FANCM: variants seen among roughly 807,000 people sequenced by gnomAD.
FANCM encodes Fanconi anemia group M protein.
A neutral mutation model predicts 199.5 loss-of-function variants in FANCM; 140 were observed. The observed-to-expected ratio is 0.70, with a 90% confidence interval of 0.61 to 0.81. FANCM has a LOEUF of 0.81. FANCM is among the 30% of genes least tolerant of loss of function. FANCM has a pLI of 0.00. For synonymous variants in FANCM, 840 were observed against 836.8 expected (o/e 1.00, Z -0.07); for missense variants, 2,410 against 2,421.4 (o/e 1.00, Z 0.10).
chr14:45,141,105 G>A (rs1030258688), intron 3 of FANCM, among the ~76,000 whole-genome samples: 1 of 151,882 alleles, frequency 6.6e-6, no homozygotes, highest in Non-Finnish European at 1.5e-5. Context: ...TGGTTAACAC[G>A]GTGAAACCCG....
intron 4 of FANCM, among the ~76,000 whole-genome samples, chr14:45,149,541 A>G (rs559327498): frequency 7.0e-4 from 106 of 152,052 alleles, no homozygotes; most frequent in African/African-American, 2.5e-3. Context: ...TAATTTTTAT[A>G]TTTTTGAATA....
chr14:45,163,967 C>T (rs942799773), intron 9 of FANCM, among the ~76,000 whole-genome samples: 6 of 152,176 alleles, frequency 3.9e-5, no homozygotes, highest in Non-Finnish European at 5.9e-5. Context: ...TTTGTTGAAA[C>T]GAGGCTTTAC....
At chr14:45,151,705 A>T (rs1355929584) in intron 5 of FANCM, among the ~76,000 whole-genome samples, 177 bp downstream of exon 5, 6 of 152,088 alleles carry the variant, frequency 3.9e-5, no homozygotes, top group Non-Finnish European at 8.8e-5. Flanking sequence ...TGGGAGGATC[A>T]CTTGAGCCCT....
At chr14:45,145,810 A>G (rs1361928406) in intron 3 of FANCM, among the ~76,000 whole-genome samples, 2 of 152,070 alleles carry the variant, frequency 1.3e-5, no homozygotes, top group Non-Finnish European at 1.5e-5. Flanking sequence ...CTGTAATCCC[A>G]GCACTTTGGG....
chr14:45,137,106 C>CCTT lies in FANCM; in HGVS notation c.546_547insCTT (p.Cys182_Ser183insLeu), dbSNP rs1354341041. 3.7e-6 allele frequency: 6 copies of CCTT among 1,612,956 alleles called. No individual in the cohort carries two copies. Among genetic ancestry groups the CCTT allele is most frequent in the Non-Finnish European group, 5.1e-6 (6 of 1,179,220 alleles). ...CTTCCACCAGGAAGGAAATATGGTG[C>CCTT]AGTAAGAGAGTGCTTTTTCTTACAC... On this transcript the variant is annotated inframe_insertion, in exon 2 of 23. Coordinates refer to ENST00000267430, the MANE Select transcript of FANCM (RefSeq NM_020937.4).
chr14:45,164,782 ATACT>A (rs1266157620), intron 10 of FANCM, among the ~76,000 whole-genome samples: 3 of 152,186 alleles, frequency 2.0e-5, no homozygotes, highest in Admixed American at 6.5e-5. Flanking sequence ...CACATTTTTA[ATACT>A]TAAGTAGTAA....
chr14:45,185,394 T>G lies in FANCM; in HGVS notation c.4672+21T>G, dbSNP rs1889338497. On this transcript the variant is annotated intron_variant, in intron 18 of 22. Transcript: ENST00000267430. ...AAATGGTAAATGTTATAATGATCCT[T>G]AAAATTTTTTTCAATGTTTTTATGT... is the stretch of plus-strand genomic sequence containing the variant. The G allele has an allele frequency of 3.4e-6, 5 of 1,468,684 alleles. No individual in the cohort carries two copies. In the South Asian group the frequency reaches 5.1e-5, roughly 15 times the overall value. The allele number at this position is 1,468,684 out of a possible 1,614,324, so 91.0% of individuals were successfully genotyped here.
chr14:45,179,301 CTA>C (rs1422202450), intron 14 of FANCM, among the ~76,000 whole-genome samples: 1 of 152,172 alleles, frequency 6.6e-6, no homozygotes, highest in East Asian at 1.9e-4. Flanking sequence ...AGCATTTAAA[CTA>C]TACCCTCAGC....
At chr14:45,191,917 T>C (rs1403022016) in intron 20 of FANCM, among the ~76,000 whole-genome samples, 1 of 152,198 alleles carries the variant, frequency 6.6e-6, no homozygotes, top group African/African-American at 2.4e-5. Flanking sequence ...AGACTTTTTT[T>C]CTTTGTATTT....
Position 45,185,328 on chromosome 14 carries a change from C to A in FANCM, c.4627C>A (p.Leu1543Ile), listed in dbSNP as rs139536545. Reference protein sequence around the residue: ...ESENEQDSSLLDFLNDETQLS... With the variant: ...ESENEQDSSLIDFLNDETQLS... The stretch of plus-strand genomic sequence containing the variant: ...AGAAAATGAACAAGATTCCTCATTA[C>A]TTGACTTTTTAAATGATGAAACTCA... The change falls in exon 18 of 23, where the codon CTT becomes ATT. Residue 1543 changes from leucine to isoleucine, a missense_variant. Transcript: ENST00000267430. 6.3e-7 allele frequency: 1 copy of A among 1,592,728 alleles called. No individual in the cohort carries two copies. The highest frequency in any genetic ancestry group is 1.1e-5 in the South Asian group (1 of 88,588).
intron 6 of FANCM, 83 bp from the exon 7 acceptor site, chr14:45,154,614 A>G (rs1887052296): frequency 2.9e-6 from 3 of 1,038,860 alleles, no homozygotes; most frequent in Non-Finnish European, 4.2e-6. Context: ...ATTCATTGCT[A>G]AAGTTTAATT....
At chr14:45,137,036 G>T in intron 1 of FANCM, 33 bp from the exon 2 acceptor site, 3 of 1,524,082 alleles carry the variant, frequency 2.0e-6, no homozygotes, top group Non-Finnish European at 2.7e-6. Flanking sequence ...ACAGTCTGAA[G>T]TTTAGAATGT....
intron 2 of FANCM, 71 bp downstream of exon 2, chr14:45,137,312 T>C (rs1438935919): frequency 1.6e-6 from 2 of 1,213,408 alleles, no homozygotes; most frequent in Non-Finnish European, 2.4e-6. Context: ...GAATAGTTAC[T>C]AGTGATGGAA....
At chr14:45,142,034 A>G (rs1886005051) in intron 3 of FANCM, among the ~76,000 whole-genome samples, 1 of 152,116 alleles carries the variant, frequency 6.6e-6, no homozygotes, top group Non-Finnish European at 1.5e-5. Flanking sequence ...TTGTTTGGAA[A>G]TAACTTTAGA....
In FANCM at chr14:45,176,193, GTGAGTCTTTCACCCT is replaced by G; in HGVS notation, c.3443_3457del (p.Ser1148_Leu1152del). 6.2e-7 allele frequency: 1 copy of G among 1,614,114 alleles called. No homozygotes were observed. The highest frequency in any genetic ancestry group is 8.5e-7 in the Non-Finnish European group (1 of 1,179,970). On this transcript the variant is annotated inframe_deletion, in exon 14 of 23. Transcript: ENST00000267430. ...AGATGTTAATACAGAGTTCGACGAT[GTGAGTCTTTCACCCT>G]TGAACAGTAAAAGCGAATCTTTACC...
At chr14:45,158,527 T>C (rs1360762735) in intron 8 of FANCM, among the ~76,000 whole-genome samples, 2 of 151,440 alleles carry the variant, frequency 1.3e-5, no homozygotes. Flanking sequence ...GAAAGTATAG[T>C]AGATTTGAGG....
intron 14 of FANCM, chr14:45,180,858 A>G (rs999028710): frequency 1.9e-5 from 3 of 154,814 alleles, no homozygotes; most frequent in African/African-American, 7.2e-5. Flanking sequence ...CTTCATTTTC[A>G]TTATATCCTT....
Position 45,136,009 on chromosome 14 carries a change from A to G in FANCM, c.-23A>G. 2 of 1,612,696 alleles carry G rather than the reference A, an allele frequency of 1.2e-6. No homozygotes were observed. The highest frequency in any genetic ancestry group is 1.7e-6 in the Non-Finnish European group (2 of 1,179,954). ...GCTGCTGCTACGGATATCTGACAGA[A>G]GCCTTCGGTGGTTGTCGGCCTAATG... On this transcript the variant is annotated 5_prime_UTR_variant, in exon 1 of 23. Transcript: ENST00000267430.
chr14:45,145,229 T>C (rs144307727), intron 3 of FANCM, among the ~76,000 whole-genome samples: 95 of 151,350 alleles, frequency 6.3e-4, no homozygotes, highest in African/African-American at 2.1e-3. Flanking sequence ...TACTCTTCCC[T>C]CTTTTTTCCT....
Sources: gnomAD v4.1 joint callset for allele counts (sites outside exome capture counted in the v4.1 genomes callset) on GRCh38, gnomAD v4.1.1 for gene constraint, MANE v1.5 for transcripts, NCBI Gene and HGNC (gene_info 2026-07-23, HGNC 2026-07-21) for gene names.